The following GRIN3A variants were observed in gnomAD, a reference collection of about 807,000 sequenced individuals.
GRIN3A encodes glutamate receptor ionotropic, NMDA 3A.
A neutral mutation model predicts 92.4 loss-of-function variants in GRIN3A; 47 were observed. The observed-to-expected ratio is 0.51, with a 90% CI of 0.40 to 0.65. GRIN3A has a LOEUF of 0.65. Ranked by LOEUF, GRIN3A falls within the 30% of genes least tolerant of loss-of-function variation. The pLI, the probability that GRIN3A is intolerant of heterozygous loss-of-function variation, is 0.00. For synonymous variants in GRIN3A, 527 were observed against 540.6 expected, an observed-to-expected ratio of 0.97 and a Z score of 0.35; for missense variants, 1,324 against 1,393.1, an observed-to-expected ratio of 0.95 and a Z score of 0.79.
intron 3 of GRIN3A, among the ~76,000 whole-genome samples, chr9:101,658,656 G>A (rs1295535950): frequency 6.6e-6 from 1 of 151,846 alleles, no homozygotes; most frequent in Non-Finnish European, 1.5e-5. Flanking sequence ...CACTTCTTGA[G>A]TTTGAAAAAT....
rs1319917745 is a variant in GRIN3A at position 101,629,170 on chromosome 9, G to A, written c.2353-769C>T. On this transcript the variant is annotated intron_variant, in intron 3 of 8. Transcript: ENST00000361820. ...TTGTAAAGTATGTTTCATAAAACAAGGCAAATGCTCATATGGCAAGTGGAA... is the reference window on the plus strand; with the variant it reads ...TTGTAAAGTATGTTTCATAAAACAAAGCAAATGCTCATATGGCAAGTGGAA... Among the ~76,000 whole-genome samples, 4 of 151,890 alleles carry A rather than the reference G, an allele frequency of 2.6e-5. No homozygotes were observed. The East Asian group carries it at 7.7e-4, about 29-fold the overall frequency.
intron 1 of GRIN3A, among the ~76,000 whole-genome samples, chr9:101,724,465 G>A (rs1351101301): frequency 6.6e-6 from 1 of 152,096 alleles, no homozygotes; most frequent in Non-Finnish European, 1.5e-5. Context: ...TGCGCGCGCA[G>A]CCCTGGTTCC....
chr9:101,646,872 T>C lies in GRIN3A; in HGVS notation c.2353-18471A>G, dbSNP rs141858221. ...GTATCCTGCAACTTTACCAAATTAA[T>C]TTATTAGCTCTAATAGTTTTTTTTG... is the stretch of plus-strand genomic sequence containing the variant. On this transcript the variant is annotated intron_variant, in intron 3 of 8. Transcript: ENST00000361820. Among the ~76,000 whole-genome samples, 805 of 152,064 alleles carry C rather than the reference T, an allele frequency of 5.3e-3. 5 individuals carry two copies. The highest frequency in any genetic ancestry group is 0.02 in the Middle Eastern group (6 of 294).
At chr9:101,688,513 T>C (rs997906607) in intron 1 of GRIN3A, among the ~76,000 whole-genome samples, 2 of 152,162 alleles carry the variant, frequency 1.3e-5, no homozygotes, top group Non-Finnish European at 2.9e-5. Flanking sequence ...AAATCATCAC[T>C]GGGAAGCATT....
chr9:101,645,894 A>C (rs1313474131), intron 3 of GRIN3A, among the ~76,000 whole-genome samples: 1 of 151,332 alleles, frequency 6.6e-6, no homozygotes, highest in Non-Finnish European at 1.5e-5. Flanking sequence ...TATTCAGATC[A>C]TTTGCCCATT....
rs534302593 is a variant in GRIN3A at position 101,610,869 on chromosome 9, C to T, written c.2766+2507G>A. 2.4e-4 allele frequency among the ~76,000 whole-genome samples: 37 copies of T among 152,038 alleles called. 1 individual carries two copies. Among genetic ancestry groups the T allele is most frequent in the Admixed American group, 1.9e-3 (29 of 15,242 alleles). ...ATCCCAGCACTTTGGGAGGCCGAGG[C>T]GGGCAGATCATGAACTCAGGAGATC... On this transcript the variant is annotated intron_variant, in intron 6 of 8. Coordinates refer to ENST00000361820, the MANE Select transcript of GRIN3A (RefSeq NM_133445.3).
chr9:101,669,557 G>A (rs1182428647), intron 3 of GRIN3A, among the ~76,000 whole-genome samples: 2 of 152,084 alleles, frequency 1.3e-5, no homozygotes, highest in African/African-American at 4.8e-5. Context: ...TACACTCAGT[G>A]AGTTCCCTAG....
At chr9:101,617,132 G>T (rs1400971605) in intron 5 of GRIN3A, among the ~76,000 whole-genome samples, 1 of 148,726 alleles carries the variant, frequency 6.7e-6, no homozygotes, top group Non-Finnish European at 1.5e-5. Flanking sequence ...CCCGGGAAGC[G>T]GAGCTTGCAG....
At chr9:101,735,541 A>G (rs2119050117) in intron 1 of GRIN3A, among the ~76,000 whole-genome samples, 1 of 151,950 alleles carries the variant, frequency 6.6e-6, no homozygotes, top group Non-Finnish European at 1.5e-5. Context: ...AGGAACACGA[A>G]TTTTGGTGAA....
At chr9:101,631,056 A>C (rs137957289) in intron 3 of GRIN3A, among the ~76,000 whole-genome samples, 2 of 152,194 alleles carry the variant, frequency 1.3e-5, no homozygotes, top group Non-Finnish European at 2.9e-5. Context: ...TACAGTACAT[A>C]TACCTATCTT....
rs1488915203 is a variant in GRIN3A at position 101,569,979 on chromosome 9, T to C, written c.*3195A>G. On this transcript the variant is annotated 3_prime_UTR_variant, in exon 9 of 9. Transcript: ENST00000361820. ...CTGGAAGGGAAGCAGCAGCTCTTGA[T>C]AGGGTTTGTGCAATAGCAAGATTCA... 1 of 152,188 alleles carries C rather than the reference T, an allele frequency of 6.6e-6. No homozygotes were observed. Among genetic ancestry groups the C allele is most frequent in the African/African-American group, 2.4e-5 (1 of 41,438 alleles). 9.4% of individuals were successfully genotyped at this position (152,188 alleles called of 1,614,324 possible).
intron 1 of GRIN3A, among the ~76,000 whole-genome samples, chr9:101,736,185 C>CG (rs570028269): frequency 2.5e-3 from 379 of 152,258 alleles, no homozygotes; most frequent in African/African-American, 8.4e-3. Flanking sequence ...AGAATGTGGA[C>CG]TTTTTTACTA....
chr9:101,603,933 T>C (rs1267707763), intron 6 of GRIN3A, among the ~76,000 whole-genome samples: 1 of 152,250 alleles, frequency 6.6e-6, no homozygotes, highest in Non-Finnish European at 1.5e-5. Context: ...CTCTTCCATG[T>C]GTGAATTATG....
intron 1 of GRIN3A, among the ~76,000 whole-genome samples, chr9:101,736,908 G>A (rs56236943): frequency 0.12 from 18,423 of 151,858 alleles, 2,205 homozygotes; most frequent in African/African-American, 0.31. Flanking sequence ...CCCATACCCT[G>A]CTCTTGTAGT....
At chr9:101,728,820 C>A (rs1830106672) in intron 1 of GRIN3A, among the ~76,000 whole-genome samples, 1 of 152,158 alleles carries the variant, frequency 6.6e-6, no homozygotes, top group Non-Finnish European at 1.5e-5. Context: ...AAGTTGTGTG[C>A]ATCAATTTTG....
Position 101,573,328 on chromosome 9 carries a change from G to C in GRIN3A, c.3194C>G (p.Ala1065Gly), listed in dbSNP as rs757440162. 1 of 1,614,102 alleles carries C rather than the reference G, an allele frequency of 6.2e-7. No homozygotes were observed. Among genetic ancestry groups the C allele is most frequent in the Non-Finnish European group, 8.5e-7 (1 of 1,180,006 alleles). ...GTTCCGAGATACATTTAGGGAGTCTGCTTTCCCATTGGTGGTCCGCAAGGC... is the reference window on the plus strand; with the variant it reads ...GTTCCGAGATACATTTAGGGAGTCTCCTTTCCCATTGGTGGTCCGCAAGGC... Reference protein sequence around the residue: ...LPALRTTNGKADSLNVSRNSV... With the variant: ...LPALRTTNGKGDSLNVSRNSV... The change falls in exon 9 of 9, where the codon GCA becomes GGA. Residue 1065 changes from alanine to glycine, a missense_variant. Coordinates refer to ENST00000361820, the MANE Select transcript of GRIN3A (RefSeq NM_133445.3).
chr9:101,594,942 C>T (rs1828098034), intron 6 of GRIN3A: 5 of 1,591,922 alleles, frequency 3.1e-6, no homozygotes, highest in South Asian at 2.2e-5. Context: ...TGGCAACGGC[C>T]ACGGCTCAAA....
intron 6 of GRIN3A, among the ~76,000 whole-genome samples, chr9:101,606,045 G>A (rs141854966): frequency 6.6e-6 from 1 of 152,260 alleles, no homozygotes; most frequent in Non-Finnish European, 1.5e-5. Flanking sequence ...CCAAGACCAG[G>A]GTCATTTAAG....
chr9:101,614,008 A>G (rs918779872), intron 5 of GRIN3A, among the ~76,000 whole-genome samples: 1 of 152,210 alleles, frequency 6.6e-6, no homozygotes, highest in Non-Finnish European at 1.5e-5. Flanking sequence ...TAATAAAACC[A>G]TGTGAATAAA....
Sources: allele counts gnomAD v4.1 joint callset (sites outside exome capture counted in the v4.1 genomes callset), GRCh38; gene constraint gnomAD v4.1.1; transcripts MANE v1.5; gene names NCBI Gene and HGNC (gene_info 2026-07-23, HGNC 2026-07-21).